Variants in SYN3 observed in about 807,000 individuals in gnomAD.
The protein encoded by SYN3 is synapsin-3.
A neutral mutation model predicts 65.8 loss-of-function variants in SYN3; 35 were observed. The ratio of observed to expected loss-of-function variants is 0.53; its 90% CI spans 0.41 to 0.70. The LOEUF (loss-of-function observed/expected upper bound fraction) is 0.70. Ranked by LOEUF, SYN3 falls within the 30% of genes least tolerant of loss-of-function variation. The probability of loss-of-function intolerance (pLI) is 0.00; values close to 1 mark genes in which losing one functional copy is unlikely to be tolerated. For synonymous variants in SYN3, 270 were observed against 292.9 expected (o/e 0.92, Z 0.80); for missense variants, 680 against 749.0 (o/e 0.91, Z 1.08).
In SYN3 at chr22:32,900,071, T is replaced by C. The variant is rs1237609390; in HGVS notation, c.462-30946A>G. Among the ~76,000 whole-genome samples the C allele has an allele frequency of 8.7e-3, 6 of 686 alleles. 3 individuals carry two copies. Among genetic ancestry groups the C allele is most frequent in the Admixed American group, 0.057 (4 of 70 alleles). The allele number at this position is 686 out of a possible 152,430, so 0.5% of individuals were successfully genotyped here. A position where few individuals can be genotyped will look rare whatever the true frequency, so the allele number is the denominator to read the frequency against. ...GCCTGGGCGACAGAGCGAGACTCCG[T>C]CTCAAAAAAAAAAAAAAAAAAAACA... On this transcript the variant is annotated intron_variant, in intron 4 of 13. Coordinates refer to ENST00000358763, the MANE Select transcript of SYN3 (RefSeq NM_003490.4).
intron 7 of SYN3, among the ~76,000 whole-genome samples, chr22:32,549,830 A>G (rs1289881457): frequency 6.6e-6 from 1 of 151,488 alleles, no homozygotes; most frequent in Non-Finnish European, 1.5e-5. Flanking sequence ...TGGAGGTTGC[A>G]GTGAGCTGAG....
intron 6 of SYN3, among the ~76,000 whole-genome samples, chr22:32,831,168 G>A (rs2047563908): frequency 6.6e-6 from 1 of 152,130 alleles, no homozygotes; most frequent in African/African-American, 2.4e-5. Context: ...ATGTCCTTCA[G>A]GAGGGTGTGG....
intron 6 of SYN3, among the ~76,000 whole-genome samples, chr22:32,808,467 C>G (rs1267067570): frequency 6.6e-6 from 1 of 152,164 alleles, no homozygotes; most frequent in Non-Finnish European, 1.5e-5. Flanking sequence ...ATTATGGGAG[C>G]TAGAAGGCCT....
intron 4 of SYN3, among the ~76,000 whole-genome samples, chr22:32,877,146 C>T (rs886897967): frequency 6.6e-5 from 10 of 152,178 alleles, no homozygotes; most frequent in Non-Finnish European, 1.3e-4. Context: ...CCTTTCCACC[C>T]CAATACAATT....
At chr22:33,016,130 G>A (rs2053462629) in intron 1 of SYN3, among the ~76,000 whole-genome samples, 1 of 152,206 alleles carries the variant, frequency 6.6e-6, no homozygotes, top group African/African-American at 2.4e-5. Flanking sequence ...ACAGGCGTGA[G>A]CCACCGCGCC....
intron 6 of SYN3, among the ~76,000 whole-genome samples, chr22:32,774,742 G>A (rs1369804036): frequency 2.6e-5 from 4 of 152,162 alleles, no homozygotes; most frequent in Admixed American, 6.5e-5. Context: ...TTACAGGCAT[G>A]TGCCACCACA....
At chr22:32,544,127 A>G (rs1029516101) in intron 7 of SYN3, among the ~76,000 whole-genome samples, 2 of 152,162 alleles carry the variant, frequency 1.3e-5, no homozygotes, top group South Asian at 4.1e-4. Flanking sequence ...TTGTAGAGAC[A>G]GGGCCTCACT....
In SYN3 at chr22:32,510,986, T is replaced by C. The variant is rs1455603166; in HGVS notation, c.*2706A>G. Among the ~76,000 whole-genome samples, 4 of 128,532 alleles carry C rather than the reference T, an allele frequency of 3.1e-5. No individual in the cohort carries two copies. Among genetic ancestry groups the C allele is most frequent in the Non-Finnish European group, 5.2e-5 (3 of 58,148 alleles). 84.3% of individuals were successfully genotyped at this position (128,532 alleles called of 152,430 possible). A position where few individuals can be genotyped will look rare whatever the true frequency, so the allele number is the denominator to read the frequency against. On this transcript the variant is annotated 3_prime_UTR_variant, in exon 14 of 14. Coordinates refer to ENST00000358763, the MANE Select transcript of SYN3 (RefSeq NM_003490.4). The stretch of plus-strand genomic sequence containing the variant: ...TCAATTCCAAGTTATTGTCCAGGCG[T>C]GTGTGTGTGTGTGTGTGTGTGTGTG...
rs763067704 is a variant in SYN3, at chr22:33,006,548, C to T, written c.115G>A (p.Ala39Thr). ...GGCTGGGGGTGCCTCCTCTCCATGG[C>T]GGGGGAAGCAGGTGAGCTGGTGGAG... ...DSSTSSPASP[A>T]MERRHPQPLA... Residue 39 changes from alanine (A) to threonine (T), a missense_variant, in exon 2 of 14, where the codon GCC (alanine) becomes ACC (threonine). Coordinates refer to ENST00000358763, the MANE Select transcript of SYN3 (RefSeq NM_003490.4). The T allele has an allele frequency of 8.7e-6, 14 of 1,613,976 alleles. No individual in the cohort carries two copies. Among genetic ancestry groups the T allele is most frequent in the South Asian group, 4.4e-5 (4 of 91,088 alleles).
At chr22:32,749,239 A>T (rs2045033931) in intron 6 of SYN3, among the ~76,000 whole-genome samples, 1 of 151,948 alleles carries the variant, frequency 6.6e-6, no homozygotes, top group Admixed American at 6.6e-5. Flanking sequence ...TCTTTTTTAC[A>T]AAGGCATTAA....
chr22:32,751,238 G>C (rs1485154851), intron 6 of SYN3, among the ~76,000 whole-genome samples: 8 of 152,134 alleles, frequency 5.3e-5, no homozygotes, highest in Admixed American at 2.6e-4. Flanking sequence ...GGTCAAATTA[G>C]GTAAGATGGA....
At chr22:32,665,041 C>T (rs1229956114) in intron 6 of SYN3, among the ~76,000 whole-genome samples, 1 of 127,032 alleles carries the variant, frequency 7.9e-6, no homozygotes, top group African/African-American at 3.2e-5. Flanking sequence ...TTCTGTCACC[C>T]AGGTTAGAGT....
At chr22:32,868,941 C>T in intron 5 of SYN3, 25 bp downstream of exon 5, 1 of 1,609,474 alleles carries the variant, frequency 6.2e-7, no homozygotes, top group South Asian at 1.1e-5. Flanking sequence ...CAGATCCCTC[C>T]AGGTCAGCCT....
chr22:32,976,205 A>G (rs2052181146), intron 3 of SYN3, among the ~76,000 whole-genome samples: 1 of 152,206 alleles, frequency 6.6e-6, no homozygotes, highest in South Asian at 2.1e-4. Flanking sequence ...ATATTACACA[A>G]GGACAGTACT....
At chr22:32,647,193 G>A (rs920769449) in intron 6 of SYN3, among the ~76,000 whole-genome samples, 2 of 152,102 alleles carry the variant, frequency 1.3e-5, no homozygotes, top group African/African-American at 4.8e-5. Context: ...CCCTCTGCAT[G>A]TCTATGAGTT....
intron 6 of SYN3, among the ~76,000 whole-genome samples, chr22:32,773,011 C>T (rs368734722): frequency 1.8e-4 from 28 of 152,174 alleles, no homozygotes; most frequent in East Asian, 9.6e-4. Flanking sequence ...TCCCTCGCAA[C>T]TACTCAACTC....
chr22:32,965,594 G>A (rs1019571367), intron 3 of SYN3, among the ~76,000 whole-genome samples: 3 of 151,892 alleles, frequency 2.0e-5, no homozygotes, highest in Non-Finnish European at 2.9e-5. Context: ...GTGTGTGTGC[G>A]TAAGAGAGAG....
intron 3 of SYN3, among the ~76,000 whole-genome samples, chr22:32,934,582 G>T (rs1188577730): frequency 6.6e-6 from 1 of 152,202 alleles, no homozygotes; most frequent in Non-Finnish European, 1.5e-5. Flanking sequence ...GAACACAGAG[G>T]TGTCCAAACC....
At chr22:32,784,546 T>C (rs374771245) in intron 6 of SYN3, among the ~76,000 whole-genome samples, 1 of 152,306 alleles carries the variant, frequency 6.6e-6, no homozygotes, top group African/African-American at 2.4e-5. Context: ...CTGGCTGACA[T>C]CTTAGTTTCA....
Sources: allele counts gnomAD v4.1 joint callset (sites outside exome capture counted in the v4.1 genomes callset), GRCh38; gene constraint gnomAD v4.1.1; transcripts MANE v1.5; gene names NCBI Gene and HGNC (gene_info 2026-07-23, HGNC 2026-07-21).